Variants in CNOT1 observed in about 807,000 individuals in gnomAD.
CNOT1 encodes the protein CCR4-associated factor 1.
A neutral mutation model predicts 273.8 loss-of-function variants in CNOT1; 15 were observed. The observed-to-expected ratio is 0.05, with a 90% CI of 0.04 to 0.08. The LOEUF (loss-of-function observed/expected upper bound fraction) is 0.08. Among genes scored for constraint, CNOT1 ranks in the 10% least tolerant of loss-of-function variants. CNOT1 has a pLI of 1.00. For synonymous variants in CNOT1, 1,022 were observed against 1,005.5 expected (o/e 1.02, Z -0.31); for missense variants, 1,644 against 2,912.2 (o/e 0.56, Z 10.02).
intron 1 of CNOT1, among the ~76,000 whole-genome samples, chr16:58,628,897 G>T (rs920972572): frequency 2.6e-5 from 4 of 152,228 alleles, no homozygotes; most frequent in Admixed American, 6.6e-5. Flanking sequence ...TACTGAAAAA[G>T]TATTATTTGT....
In CNOT1 at chr16:58,532,092, C is replaced by T; in HGVS notation, c.6060-17G>A. On this transcript the variant is annotated splice_polypyrimidine_tract_variant and intron_variant, in intron 41 of 48. Coordinates refer to ENST00000317147, the MANE Select transcript of CNOT1 (RefSeq NM_016284.5). ...AATGTATTGCTGAAAGAAGAAAAAC[C>T]TTAGTCAGAAGCACAGTCCAACTTA... 6.2e-7 allele frequency: 1 copy of T among 1,613,734 alleles called. No individual in the cohort carries two copies. The highest frequency in any genetic ancestry group is 8.5e-7 in the Non-Finnish European group (1 of 1,179,984).
At position 58,543,726 on chromosome 16, in the gene CNOT1, T is replaced by C. The variant is rs760680410; in HGVS notation, c.4315A>G (p.Ile1439Val). 3 of 1,614,168 alleles carry C rather than the reference T, an allele frequency of 1.9e-6. No homozygotes were observed. The highest frequency in any genetic ancestry group is 1.1e-5 in the South Asian group (1 of 91,084). The change falls in exon 31 of 49, where the codon ATA (isoleucine) becomes GTA (valine). Residue 1439 changes from isoleucine (I) to valine (V), a missense_variant. This residue lies in a region of CNOT1 where 133 missense variants were observed against 230.4 expected (regional missense o/e 0.58). Transcript: ENST00000317147. ...ALDSEESRMRIAAHHMMRNLT... is the reference protein window; with the variant it reads ...ALDSEESRMRVAAHHMMRNLT... ...TTACGCATCATGTGATGAGCTGCTA[T>C]TCGCATTCGAGATTCCTCCGAATCC...
rs985883968 is a variant in CNOT1 at position 58,542,718 on chromosome 16, A to T, written c.4435-150T>A. 5.8e-6 allele frequency: 7 copies of T among 1,202,828 alleles called. No individual in the cohort carries two copies. In the African/African-American group the frequency reaches 1.1e-4, roughly 18 times the overall value. 74.5% of individuals were successfully genotyped at this position (1,202,828 alleles called of 1,614,324 possible). A position where few individuals can be genotyped will look rare whatever the true frequency, so the allele number is the denominator to read the frequency against. ...ACTTATGAACAAGCTGTGATCTTGA[A>T]ACAGTCTTAACAGCTTCCTCACTTT... On this transcript the variant is annotated intron_variant, in intron 31 of 48. Transcript: ENST00000317147.
chr16:58,535,955 C>T (rs554055056), intron 39 of CNOT1, among the ~76,000 whole-genome samples: 2 of 152,094 alleles, frequency 1.3e-5, no homozygotes, highest in South Asian at 2.1e-4. Context: ...AGGATGGTCT[C>T]GATATCCTGA....
At chr16:58,613,730 TAATAAG>T (rs1166272622) in intron 1 of CNOT1, among the ~76,000 whole-genome samples, 2 of 124,878 alleles carry the variant, frequency 1.6e-5, no homozygotes, top group Admixed American at 8.0e-5. Context: ...ACAAAGTATC[TAATAAG>T]AATAACTCTT....
chr16:58,617,013 G>A (rs1249951749), intron 1 of CNOT1, among the ~76,000 whole-genome samples: 1 of 152,166 alleles, frequency 6.6e-6, no homozygotes, highest in Non-Finnish European at 1.5e-5. Context: ...ATTTTGAAAT[G>A]TTTAGGTGTC....
Position 58,604,621 on chromosome 16 carries a change from T to TAA in CNOT1, c.-174-5112_-174-5111dup, listed in dbSNP as rs869046701. 6.4e-3 allele frequency among the ~76,000 whole-genome samples: 776 copies of TAA among 120,814 alleles called. 7 individuals are homozygous for TAA. Among genetic ancestry groups the TAA allele is most frequent in the African/African-American group, 0.018 (551 of 31,338 alleles). The allele number at this position is 120,814 out of a possible 152,430, so 79.3% of individuals were successfully genotyped here. On this transcript the variant is annotated intron_variant, in intron 1 of 48. Coordinates refer to ENST00000317147, the MANE Select transcript of CNOT1 (RefSeq NM_016284.5). ...ACATGGAGAAACCCCATCTCTGCTA[T>TAA]AAAAAAAAAAAAAAAAAAATACAAA... is the stretch of plus-strand genomic sequence containing the variant.
At chr16:58,556,673 G>A (rs1230782775) in intron 19 of CNOT1, among the ~76,000 whole-genome samples, 174 bp downstream of exon 19, 4 of 152,122 alleles carry the variant, frequency 2.6e-5, no homozygotes, top group African/African-American at 7.2e-5. Context: ...TATTAACCAC[G>A]ACTTTGTTCT....
In CNOT1 at chr16:58,593,132, A is replaced by AC. The variant is rs544151297; in HGVS notation, c.103-4227dup. 7.9e-5 allele frequency among the ~76,000 whole-genome samples: 12 copies of AC among 152,354 alleles called. No homozygotes were observed. In the South Asian group the frequency reaches 2.5e-3, roughly 32 times the overall value. On this transcript the variant is annotated intron_variant, in intron 2 of 48. Transcript: ENST00000317147. ...CAAAAACAAAACACAGGTTAAGAAT[A>AC]CATATTTCGGCCAGGCGCGGTGGCT...
At chr16:58,526,511 TAAAAAAAAAAA>T (rs57367601) in intron 44 of CNOT1, among the ~76,000 whole-genome samples, 133 of 80,810 alleles carry the variant, frequency 1.6e-3, no homozygotes, top group South Asian at 3.7e-3. Context: ...ACTTACTCCT[TAAAAAAAAAAA>T]AAAAAAAAAA....
rs35148544 is a variant in CNOT1, at chr16:58,524,249, C to CAAA, written c.6785-750_6785-748dup. On this transcript the variant is annotated intron_variant, in intron 46 of 48. Transcript: ENST00000317147. ...TGGGTGTGAGAGCAAGACTCTATCGCAAAAAAAAAAAAAAAAAAAAGTTTT... is the reference window on the plus strand; with the variant it reads ...TGGGTGTGAGAGCAAGACTCTATCGCAAAAAAAAAAAAAAAAAAAAAAAGTTTT... Among the ~76,000 whole-genome samples the CAAA allele has an allele frequency of 8.0e-3, 661 of 82,152 alleles. 10 individuals are homozygous for CAAA. Among genetic ancestry groups the CAAA allele is most frequent in the Middle Eastern group, 0.014 (2 of 142 alleles). The allele number at this position is 82,152 out of a possible 152,430, so 53.9% of individuals were successfully genotyped here.
chr16:58,556,554 T>C (rs557361866), intron 19 of CNOT1, among the ~76,000 whole-genome samples: 2 of 149,752 alleles, frequency 1.3e-5, no homozygotes, highest in South Asian at 4.1e-4. Flanking sequence ...ACTCAACACA[T>C]GTTTAGGTTA....
At chr16:58,562,466 T>C (rs898176739) in intron 16 of CNOT1, among the ~76,000 whole-genome samples, 1 of 147,674 alleles carries the variant, frequency 6.8e-6, no homozygotes, top group African/African-American at 2.5e-5. Flanking sequence ...ATCACATCAA[T>C]GCACTCCAGT....
chr16:58,541,711 A>G, intron 33 of CNOT1, 91 bp from the exon 34 acceptor site: 1 of 1,266,052 alleles, frequency 7.9e-7, no homozygotes, highest in Non-Finnish European at 1.1e-6. Flanking sequence ...GGGTAAGCTC[A>G]GGGACACAAG....
chr16:58,559,768 G>A (rs772556936), intron 17 of CNOT1: 1 of 500,202 alleles, frequency 2.0e-6, no homozygotes, highest in East Asian at 5.6e-5. Flanking sequence ...CCAGAGAGAA[G>A]GGGGTGGTTG....
chr16:58,551,956 C>A, intron 22 of CNOT1, 137 bp from the exon 23 acceptor site: 1 of 1,078,250 alleles, frequency 9.3e-7, no homozygotes, highest in Non-Finnish European at 1.3e-6. Context: ...TTGCCCCATA[C>A]CCTGGCACTA....
intron 2 of CNOT1, among the ~76,000 whole-genome samples, chr16:58,595,932 A>G (rs1476212398): frequency 6.6e-6 from 1 of 152,206 alleles, no homozygotes; most frequent in African/African-American, 2.4e-5. Context: ...AAAGTGTAAA[A>G]AGGATAAAGG....
At chr16:58,628,702 T>TTA (rs1210596774) in intron 1 of CNOT1, among the ~76,000 whole-genome samples, 4 of 152,156 alleles carry the variant, frequency 2.6e-5, no homozygotes, top group Non-Finnish European at 4.4e-5. Flanking sequence ...AAAACAGACT[T>TTA]TATTAGAGTC....
chr16:58,549,172 A>T (rs901006266), intron 25 of CNOT1, among the ~76,000 whole-genome samples: 1 of 151,946 alleles, frequency 6.6e-6, no homozygotes, highest in East Asian at 1.9e-4. Context: ...CTATAATCCC[A>T]GCTACTCGGG....
Sources: allele counts gnomAD v4.1 joint callset (sites outside exome capture counted in the v4.1 genomes callset), GRCh38; gene constraint gnomAD v4.1.1; regional missense constraint gnomAD v4.1.1; transcripts MANE v1.5; gene names NCBI Gene and HGNC (gene_info 2026-07-23, HGNC 2026-07-21).